PAWR: variants seen among roughly 807,000 people sequenced by gnomAD.
PAWR encodes pro-apoptotic WT1 regulator.
PAWR carries 23 observed loss-of-function variants against 32.0 expected under a neutral mutation model. The ratio of observed to expected loss-of-function variants is 0.72; its 90% CI spans 0.52 to 1.02. The LOEUF is 1.02. PAWR is among the 50% of genes least tolerant of loss of function. The probability of loss-of-function intolerance (pLI) is 0.00; values close to 1 mark genes in which losing one functional copy is unlikely to be tolerated. For synonymous variants in PAWR, 226 were observed against 187.1 expected, an observed-to-expected ratio of 1.21 and a Z score of -1.70; for missense variants, 457 against 437.7, an observed-to-expected ratio of 1.04 and a Z score of -0.39.
intron 2 of PAWR, among the ~76,000 whole-genome samples, chr12:79,624,532 T>G (rs1341685672): frequency 6.6e-6 from 1 of 152,188 alleles, no homozygotes; most frequent in East Asian, 1.9e-4. Flanking sequence ...GTGGATACAG[T>G]ATGTATCTAA....
At chr12:79,682,935 T>C (rs948863906) in intron 2 of PAWR, among the ~76,000 whole-genome samples, 1 of 152,244 alleles carries the variant, frequency 6.6e-6, no homozygotes, top group Non-Finnish European at 1.5e-5. Flanking sequence ...CTTTAAAAGT[T>C]TGAGTTGCTA....
At chr12:79,653,629 G>C (rs1288323059) in intron 2 of PAWR, among the ~76,000 whole-genome samples, 1 of 152,016 alleles carries the variant, frequency 6.6e-6, no homozygotes, top group Non-Finnish European at 1.5e-5. Context: ...ACAGGCATGC[G>C]CCACCACGCC....
intron 2 of PAWR, among the ~76,000 whole-genome samples, chr12:79,632,744 G>A (rs1027208169): frequency 6.6e-6 from 1 of 151,866 alleles, no homozygotes; most frequent in African/African-American, 2.4e-5. Context: ...AGCAAATGGT[G>A]CTGTAACAAA....
At chr12:79,645,600 C>T (rs1008002749) in intron 2 of PAWR, among the ~76,000 whole-genome samples, 1 of 152,164 alleles carries the variant, frequency 6.6e-6, no homozygotes, top group African/African-American at 2.4e-5. Flanking sequence ...GGGAGAAATG[C>T]TCCTCTGTTC....
intron 2 of PAWR, among the ~76,000 whole-genome samples, chr12:79,681,181 G>GGGCTATTTA (rs1878429453): frequency 6.6e-6 from 1 of 150,884 alleles, no homozygotes; most frequent in Non-Finnish European, 1.5e-5. Flanking sequence ...GGAAAGGAAA[G>GGGCTATTTA]GGCTATTTAT....
intron 2 of PAWR, among the ~76,000 whole-genome samples, chr12:79,654,948 C>T (rs902559298): frequency 6.6e-6 from 1 of 152,126 alleles, no homozygotes; most frequent in Non-Finnish European, 1.5e-5. Context: ...CTGGGGATTG[C>T]CAGCAGTTAA....
At chr12:79,603,418 A>T (rs1477248065) in intron 4 of PAWR, among the ~76,000 whole-genome samples, 2 of 152,026 alleles carry the variant, frequency 1.3e-5, no homozygotes, top group Non-Finnish European at 2.9e-5. Context: ...CATTAGAAGC[A>T]TTTTAAAGGA....
intron 1 of PAWR, 172 bp downstream of exon 1, chr12:79,690,700 G>A (rs932117485): frequency 6.5e-6 from 1 of 153,208 alleles, no homozygotes; most frequent in Admixed American, 6.5e-5. Flanking sequence ...GCCACCTGTC[G>A]GCTCGTCGTA....
In PAWR at chr12:79,632,338, TATATATATATATA is replaced by T. The variant is rs1566011014; in HGVS notation, c.517-11144_517-11132del. Among the ~76,000 whole-genome samples, 7 of 58,736 alleles carry T rather than the reference TATATATATATATA, an allele frequency of 1.2e-4. No homozygotes were observed. In the African/African-American group the frequency reaches 1.5e-3, roughly 12 times the overall value. The allele number at this position is 58,736 out of a possible 152,430, so 38.5% of individuals were successfully genotyped here. ...ATATATATATATATATATATATATA[TATATATATATATA>T]TATATATATATTTTTTTTTTTTTTT... On this transcript the variant is annotated intron_variant, in intron 2 of 6. Transcript: ENST00000328827.
chr12:79,595,782 G>A (rs969477853), intron 5 of PAWR, among the ~76,000 whole-genome samples: 44 of 152,152 alleles, frequency 2.9e-4, no homozygotes, highest in Non-Finnish European at 1.2e-4. Context: ...AACCTGGGAA[G>A]TGGAGGTTGC....
chr12:79,689,678 A>G (rs1237239468), intron 2 of PAWR, 51 bp downstream of exon 2: 16 of 1,518,464 alleles, frequency 1.1e-5, no homozygotes, highest in Non-Finnish European at 1.4e-5. Flanking sequence ...AGACACCGGG[A>G]GGCAGCTGCC....
At chr12:79,681,154 G>A (rs1032452305) in intron 2 of PAWR, among the ~76,000 whole-genome samples, 1 of 115,002 alleles carries the variant, frequency 8.7e-6, no homozygotes, top group Non-Finnish European at 1.8e-5. Flanking sequence ...GTGGGGAGGG[G>A]AGGGGAGGGG....
At chr12:79,656,746 TAAC>T (rs1358125255) in intron 2 of PAWR, among the ~76,000 whole-genome samples, 1 of 152,002 alleles carries the variant, frequency 6.6e-6, no homozygotes, top group Non-Finnish European at 1.5e-5. Flanking sequence ...ATCCCTGAAA[TAAC>T]AACAAAAAAT....
At chr12:79,689,597 C>T (rs1476239991) in intron 2 of PAWR, 132 bp downstream of exon 2, 1 of 1,010,478 alleles carries the variant, frequency 9.9e-7, no homozygotes, top group Non-Finnish European at 1.4e-6. Context: ...CCCCTGCCTG[C>T]CTAACTCGGT....
chr12:79,659,547 G>A (rs549436082), intron 2 of PAWR, among the ~76,000 whole-genome samples: 92 of 152,074 alleles, frequency 6.0e-4, no homozygotes, highest in African/African-American at 1.9e-3. Flanking sequence ...TACATTGTCC[G>A]CACCAAGAAA....
At chr12:79,659,043 A>G (rs528009061) in intron 2 of PAWR, among the ~76,000 whole-genome samples, 55 of 152,214 alleles carry the variant, frequency 3.6e-4, no homozygotes, top group African/African-American at 1.3e-3. Flanking sequence ...CACGCCTGTT[A>G]TCCCAACACT....
chr12:79,606,116 T>G lies in PAWR; in HGVS notation c.683+7459A>C, dbSNP rs565509707. ...AAAAAAACCCAAGAAAGCCATATACTATATGATTCCATTTATCTGAAATAT... is the reference window on the plus strand; with the variant it reads ...AAAAAAACCCAAGAAAGCCATATACGATATGATTCCATTTATCTGAAATAT... On this transcript the variant is annotated intron_variant, in intron 4 of 6. Transcript: ENST00000328827. Among the ~76,000 whole-genome samples, 3 of 152,226 alleles carry G rather than the reference T, an allele frequency of 2.0e-5. No homozygotes were observed. The South Asian group carries it at 6.2e-4, about 32-fold the overall frequency.
At chr12:79,631,693 A>G (rs1875633737) in intron 2 of PAWR, among the ~76,000 whole-genome samples, 2 of 152,230 alleles carry the variant, frequency 1.3e-5, no homozygotes, top group African/African-American at 4.8e-5. Context: ...TGTTGTCAAT[A>G]AGATAATTTC....
intron 4 of PAWR, among the ~76,000 whole-genome samples, chr12:79,600,821 AATATCACAC>A (rs1451590621): frequency 6.6e-6 from 1 of 152,072 alleles, no homozygotes; most frequent in African/African-American, 2.4e-5. Context: ...CTAACTTCAA[AATATCACAC>A]ATTGTAACAG....
Sources: allele counts gnomAD v4.1 joint callset (sites outside exome capture counted in the v4.1 genomes callset), GRCh38; gene constraint gnomAD v4.1.1; transcripts MANE v1.5; gene names NCBI Gene and HGNC (gene_info 2026-07-23, HGNC 2026-07-21).